DSCAM: variants seen among roughly 807,000 people sequenced by gnomAD.
DSCAM encodes the protein cell adhesion molecule DSCAM.
In DSCAM, 47 loss-of-function variants were observed where a neutral mutation model predicts 217.7. The observed-to-expected ratio is 0.22, with a 90% CI of 0.17 to 0.28. The LOEUF (loss-of-function observed/expected upper bound fraction) is 0.28, where lower values mean the gene tolerates loss of function less well. Ranked by LOEUF, DSCAM falls within the 10% of genes least tolerant of loss-of-function variation. The probability of loss-of-function intolerance (pLI) is 1.00; values close to 1 mark genes in which losing one functional copy is unlikely to be tolerated. For missense variants in DSCAM, 2,080 were observed against 2,618.3 expected (o/e 0.79, Z 4.49); for synonymous variants, 1,056 against 1,015.3 (o/e 1.04, Z -0.76).
chr21:40,087,529 A>G (rs946838655), intron 21 of DSCAM, among the ~76,000 whole-genome samples: 2 of 152,340 alleles, frequency 1.3e-5, no homozygotes, highest in East Asian at 1.9e-4. Context: ...GAGGAGTCCA[A>G]ATTAAATATC....
At position 40,555,624 on chromosome 21, in the gene DSCAM, C is replaced by T. The variant is rs540352073; in HGVS notation, c.508+137186G>A. Among the ~76,000 whole-genome samples the T allele has an allele frequency of 2.6e-5, 4 of 152,164 alleles. No individual in the cohort carries two copies. The South Asian group carries it at 6.2e-4, about 24-fold the overall frequency. Reference sequence around the variant, plus strand: ...AACATTTTGTCAAATTTCAAACCAACGTTTTTTGTTGTTGTTTGTTTTTTA... The same window carrying T: ...AACATTTTGTCAAATTTCAAACCAATGTTTTTTGTTGTTGTTTGTTTTTTA... On this transcript the variant is annotated intron_variant, in intron 3 of 32. Transcript: ENST00000400454.
At chr21:40,228,662 G>A (rs1446725142) in intron 11 of DSCAM, among the ~76,000 whole-genome samples, 2 of 133,414 alleles carry the variant, frequency 1.5e-5, no homozygotes, top group Non-Finnish European at 3.2e-5. Flanking sequence ...TTTTTTCTTG[G>A]TACTTCTTTA....
At chr21:40,350,650 G>A (rs2074619603) in intron 5 of DSCAM, among the ~76,000 whole-genome samples, 1 of 151,948 alleles carries the variant, frequency 6.6e-6, no homozygotes, top group African/African-American at 2.4e-5. Context: ...GAGGGTGGAT[G>A]GGAAGAGCAG....
intron 1 of DSCAM, among the ~76,000 whole-genome samples, chr21:40,755,306 C>G (rs560281602): frequency 6.6e-6 from 1 of 151,892 alleles, no homozygotes; most frequent in Non-Finnish European, 1.5e-5. Context: ...ATTAGCTGGG[C>G]GTGGTGGTGC....
chr21:40,057,783 T>C (rs2837405), intron 28 of DSCAM, among the ~76,000 whole-genome samples: 19,634 of 151,860 alleles, frequency 0.13, 1,596 homozygotes, highest in East Asian at 0.34. Context: ...CAACAAGCCT[T>C]GAGATTCAGA....
intron 3 of DSCAM, among the ~76,000 whole-genome samples, chr21:40,558,663 A>G (rs2076692191): frequency 1.3e-5 from 2 of 152,182 alleles, no homozygotes; most frequent in Admixed American, 6.5e-5. Flanking sequence ...TTATGCATCA[A>G]TAAAAATATT....
At chr21:40,454,546 A>T (rs982944069) in intron 3 of DSCAM, among the ~76,000 whole-genome samples, 2 of 152,240 alleles carry the variant, frequency 1.3e-5, no homozygotes, top group African/African-American at 4.8e-5. Flanking sequence ...TAGAATGAAG[A>T]GGAAGGATGG....
chr21:40,363,220 T>G (rs1406084079), intron 4 of DSCAM, among the ~76,000 whole-genome samples: 2 of 151,888 alleles, frequency 1.3e-5, no homozygotes, highest in Non-Finnish European at 2.9e-5. Flanking sequence ...CATACTTTTT[T>G]TTTGAAGTGT....
At chr21:40,329,494 G>A (rs1052541080) in intron 8 of DSCAM, among the ~76,000 whole-genome samples, 1 of 151,822 alleles carries the variant, frequency 6.6e-6, no homozygotes, top group South Asian at 2.1e-4. Flanking sequence ...CACGCCTGTA[G>A]TCCCAGCTAC....
chr21:40,801,041 T>C (rs1427145636), intron 1 of DSCAM, among the ~76,000 whole-genome samples: 3 of 151,496 alleles, frequency 2.0e-5, no homozygotes, highest in Non-Finnish European at 2.9e-5. Flanking sequence ...AACCTCCGCC[T>C]TCAGATTTCA....
chr21:40,627,302 C>A (rs1045277180), intron 3 of DSCAM, among the ~76,000 whole-genome samples: 9 of 152,138 alleles, frequency 5.9e-5, no homozygotes, highest in Non-Finnish European at 2.9e-5. Flanking sequence ...TGGACCAAAT[C>A]TTAAAAATTA....
At chr21:40,524,533 T>C (rs931270082) in intron 3 of DSCAM, among the ~76,000 whole-genome samples, 16 of 152,054 alleles carry the variant, frequency 1.1e-4, no homozygotes, top group East Asian at 1.9e-4. Context: ...TGTGTTATCA[T>C]GTATTAACAA....
rs369264773 is a variant in DSCAM at position 40,634,889 on chromosome 21, G to C, written c.508+57921C>G. The stretch of plus-strand genomic sequence containing the variant: ...CCTCAACCTACTATCACCCTTCCTT[G>C]AGTTATTTTTCTCTACAACACTTTT... On this transcript the variant is annotated intron_variant, in intron 3 of 32. Transcript: ENST00000400454. Among the ~76,000 whole-genome samples the C allele has an allele frequency of 7.6e-4, 116 of 152,286 alleles. 2 individuals are homozygous for C. Among genetic ancestry groups the C allele is most frequent in the African/African-American group, 2.6e-3 (107 of 41,570 alleles).
At chr21:40,172,608 C>T (rs1452220376) in intron 15 of DSCAM, among the ~76,000 whole-genome samples, 1 of 152,224 alleles carries the variant, frequency 6.6e-6, no homozygotes, top group Non-Finnish European at 1.5e-5. Flanking sequence ...CTCCATTCTG[C>T]TCCAAAATAC....
At chr21:40,737,421 T>A (rs924142905) in intron 1 of DSCAM, among the ~76,000 whole-genome samples, 11 of 152,118 alleles carry the variant, frequency 7.2e-5, no homozygotes, top group Non-Finnish European at 2.9e-5. Context: ...GTGGATCACC[T>A]GAGGTCAGGA....
At chr21:40,553,324 A>C (rs1429589771) in intron 3 of DSCAM, among the ~76,000 whole-genome samples, 1 of 152,224 alleles carries the variant, frequency 6.6e-6, no homozygotes, top group Non-Finnish European at 1.5e-5. Context: ...GTTCTTCTGA[A>C]AATTTCCAGC....
At chr21:40,359,857 A>T (rs1442896610) in intron 4 of DSCAM, among the ~76,000 whole-genome samples, 4 of 152,176 alleles carry the variant, frequency 2.6e-5, no homozygotes, top group Admixed American at 2.0e-4. Flanking sequence ...TTCTAAAATT[A>T]AATTGGCGTA....
chr21:40,142,459 G>A (rs1337523178), intron 18 of DSCAM, 99 bp downstream of exon 18: 12 of 1,354,964 alleles, frequency 8.9e-6, no homozygotes, highest in Admixed American at 4.1e-5. Flanking sequence ...AGAGGTGCCC[G>A]CCATATCCTG....
At chr21:40,123,521 T>A (rs774671262) in intron 20 of DSCAM, among the ~76,000 whole-genome samples, 1 of 152,184 alleles carries the variant, frequency 6.6e-6, no homozygotes, top group Admixed American at 6.5e-5. Context: ...CTTTTTGATA[T>A]GTTTTGGTGT....
Sources: allele counts gnomAD v4.1 joint callset (sites outside exome capture counted in the v4.1 genomes callset), GRCh38; gene constraint gnomAD v4.1.1; transcripts MANE v1.5; gene names NCBI Gene and HGNC (gene_info 2026-07-23, HGNC 2026-07-21).